RFTN1: variants seen among roughly 807,000 people sequenced by gnomAD.
RFTN1 encodes raftlin, lipid raft linker 1, also known as raftlin.
RFTN1 carries 26 observed loss-of-function variants against 46.5 expected under a neutral mutation model. The observed-to-expected ratio is 0.56, with a 90% CI of 0.41 to 0.78. The LOEUF (loss-of-function observed/expected upper bound fraction) is 0.78, where lower values mean the gene tolerates loss of function less well. Ranked by LOEUF, RFTN1 falls within the 30% of genes least tolerant of loss-of-function variation. The pLI is 0.00. For missense variants in RFTN1, 693 were observed against 718.7 expected, an observed-to-expected ratio of 0.96 and a Z score of 0.41; for synonymous variants, 261 against 284.2, an observed-to-expected ratio of 0.92 and a Z score of 0.82.
chr3:16,317,011 T>C lies in RFTN1; in HGVS notation c.1554A>G (p.Glu518=). The C allele has an allele frequency of 6.2e-7, 1 of 1,613,580 alleles. No homozygotes were observed. Among genetic ancestry groups the C allele is most frequent in the South Asian group, 1.1e-5 (1 of 91,038 alleles). Residue 518 remains glutamate, a synonymous_variant, in exon 10 of 10, where the codon GAA becomes GAG. Coordinates refer to ENST00000334133, the MANE Select transcript of RFTN1 (RefSeq NM_015150.2). The surrounding 1 kb of genome is among the most constrained non-coding windows in gnomAD (Gnocchi z 4.3). ...MKGPVQEDKG[E]QLSPGGLLCG... is the part of the protein sequence containing the mutation. The stretch of plus-strand genomic sequence containing the variant: ...ACAGCAGGCCACCAGGGGACAGCTG[T>C]TCTCCCTTGTCCTCTTGGACAGGGC...
chr3:16,349,269 C>G (rs1189027390), intron 7 of RFTN1: 1 of 152,250 alleles, frequency 6.6e-6, no homozygotes, highest in Non-Finnish European at 1.5e-5. Context: ...GCAAGAAATA[C>G]AGGCATGCTG....
chr3:16,484,220 G>A lies in RFTN1; in HGVS notation c.145+9505C>T, dbSNP rs1362583462. On this transcript the variant is annotated intron_variant, in intron 2 of 9. Transcript: ENST00000334133. This position sits in a 1 kb window ranked among gnomAD's most constrained non-coding sequence, Gnocchi z 4.6. ...GATTAGTCTTTTTCCCAGCCGTGAA[G>A]GGAGACTGAAAGGACAACTCTTATA... Among the ~76,000 whole-genome samples the A allele has an allele frequency of 6.6e-6, 1 of 152,144 alleles. No individual in the cohort carries two copies. Among genetic ancestry groups the A allele is most frequent in the African/African-American group, 2.4e-5 (1 of 41,428 alleles).
intron 2 of RFTN1, among the ~76,000 whole-genome samples, chr3:16,492,160 G>C (rs2076547666): frequency 6.6e-6 from 1 of 152,170 alleles, no homozygotes; most frequent in African/African-American, 2.4e-5. Context: ...CACCGGAAGG[G>C]AGCAATCTGA....
chr3:16,417,009 C>CTTTTT (rs72060599), intron 3 of RFTN1, among the ~76,000 whole-genome samples: 2 of 121,304 alleles, frequency 1.6e-5, no homozygotes, highest in African/African-American at 3.4e-5. Flanking sequence ...TTTTCTTTTT[C>CTTTTT]TTTTTTTTTT....
intron 1 of RFTN1, among the ~76,000 whole-genome samples, chr3:16,505,606 G>T (rs1351764496): frequency 3.3e-5 from 5 of 152,230 alleles, no homozygotes; most frequent in Non-Finnish European, 7.3e-5. Context: ...AGGCGGTCTG[G>T]AGTCAGAGTT....
At chr3:16,390,678 G>T (rs2074323275) in intron 4 of RFTN1, among the ~76,000 whole-genome samples, 1 of 152,216 alleles carries the variant, frequency 6.6e-6, no homozygotes, top group Non-Finnish European at 1.5e-5. Flanking sequence ...AAGGGTCACA[G>T]AGACTCCTGT....
At chr3:16,399,046 AGTT>A (rs1178175952) in intron 4 of RFTN1, among the ~76,000 whole-genome samples, 2 of 152,156 alleles carry the variant, frequency 1.3e-5, no homozygotes, top group African/African-American at 2.4e-5. Context: ...AGGGATCCCA[AGTT>A]GTTATTTCTT....
At chr3:16,493,669 C>G in intron 2 of RFTN1, 56 bp downstream of exon 2, 2 of 1,437,028 alleles carry the variant, frequency 1.4e-6, no homozygotes, top group Non-Finnish European at 1.9e-6. Context: ...CCATCCCCTG[C>G]AGGCCCCTGC....
At position 16,377,831 on chromosome 3, in the gene RFTN1, C is replaced by T. The variant is rs769526990; in HGVS notation, c.713G>A (p.Ser238Asn). 1.2e-6 allele frequency: 2 copies of T among 1,614,146 alleles called. No homozygotes were observed. Among genetic ancestry groups the T allele is most frequent in the Non-Finnish European group, 1.7e-6 (2 of 1,179,980 alleles). Residue 238 changes from serine (S) to asparagine (N), a missense_variant, in exon 5 of 10, where the codon AGC becomes AAC. Physicochemically the swap from Ser to Asn is conservative, Grantham distance 46. Coordinates refer to ENST00000334133, the MANE Select transcript of RFTN1 (RefSeq NM_015150.2). ...RGEVPLAKQP[S>N]SPSGEGDGGE... is the part of the protein sequence containing the mutation. ...ACCATCTCCCTCTCCGGAGGGTGAG[C>T]TGGGCTGCTTGGCGAGGGGCACCTC...
At chr3:16,511,243 T>A (rs1018488674) in intron 1 of RFTN1, among the ~76,000 whole-genome samples, 4 of 152,258 alleles carry the variant, frequency 2.6e-5, no homozygotes, top group African/African-American at 4.8e-5. Context: ...ATGCAAATGG[T>A]ACTTTCCATC....
In RFTN1 at chr3:16,376,110, G is replaced by A. The variant is rs2073759234; in HGVS notation, c.826+1608C>T. 6.6e-6 allele frequency among the ~76,000 whole-genome samples: 1 copy of A among 152,180 alleles called. No individual in the cohort carries two copies. Among genetic ancestry groups the A allele is most frequent in the Admixed American group, 6.5e-5 (1 of 15,286 alleles). ...GAAAGCTACTGAGGAAACCTCAATAGTAACTGCCTCCTTTCTCAAAGCCAG... is the reference window on the plus strand; with the variant it reads ...GAAAGCTACTGAGGAAACCTCAATAATAACTGCCTCCTTTCTCAAAGCCAG... On this transcript the variant is annotated intron_variant, in intron 5 of 9. Coordinates refer to ENST00000334133, the MANE Select transcript of RFTN1 (RefSeq NM_015150.2). The surrounding 1 kb of genome is among the most constrained non-coding windows in gnomAD (Gnocchi z 4.7).
At position 16,498,093 on chromosome 3, in the gene RFTN1, G is replaced by A. The variant is rs2076652144; in HGVS notation, c.-8-4216C>T. Among the ~76,000 whole-genome samples the A allele has an allele frequency of 6.6e-6, 1 of 152,142 alleles. No individual in the cohort carries two copies. Among genetic ancestry groups the A allele is most frequent in the Non-Finnish European group, 1.5e-5 (1 of 68,036 alleles). On this transcript the variant is annotated intron_variant, in intron 1 of 9. Coordinates refer to ENST00000334133, the MANE Select transcript of RFTN1 (RefSeq NM_015150.2). The surrounding 1 kb of genome is among the most constrained non-coding windows in gnomAD (Gnocchi z 5.2). ...GCTTGATATCACAGGACATAAAGGGGCTCTGGGCAAATCATCCATGTGATC... is the reference window on the plus strand; with the variant it reads ...GCTTGATATCACAGGACATAAAGGGACTCTGGGCAAATCATCCATGTGATC...
intron 2 of RFTN1, among the ~76,000 whole-genome samples, chr3:16,493,388 C>T (rs926261869): frequency 3.9e-5 from 6 of 152,186 alleles, no homozygotes; most frequent in Non-Finnish European, 8.8e-5. Flanking sequence ...CCCGCCACCA[C>T]GCCTGGCTAA....
At chr3:16,485,609 A>G (rs919916168) in intron 2 of RFTN1, among the ~76,000 whole-genome samples, 3 of 152,262 alleles carry the variant, frequency 2.0e-5, no homozygotes, top group African/African-American at 4.8e-5. Flanking sequence ...ACAGTGACAC[A>G]GCAGATCAGC....
At chr3:16,333,091 C>T (rs995458444) in intron 7 of RFTN1, among the ~76,000 whole-genome samples, 3 of 152,186 alleles carry the variant, frequency 2.0e-5, no homozygotes, top group Admixed American at 1.3e-4. Context: ...GAACAAAGCT[C>T]ACTGGTATTT....
chr3:16,390,349 A>G (rs1030965243), intron 4 of RFTN1, among the ~76,000 whole-genome samples: 5 of 152,236 alleles, frequency 3.3e-5, no homozygotes, highest in Non-Finnish European at 7.3e-5. Context: ...GTAAACGAGG[A>G]TAACACAAAA....
At position 16,334,206 on chromosome 3, in the gene RFTN1, T is replaced by C. The variant is rs1009849422; in HGVS notation, c.1147-7330A>G. Reference sequence around the variant, plus strand: ...CAAAAAACAACAACAAAAAATACCCTGAGATACTATTTTTTCACCTATTGA... The same window carrying C: ...CAAAAAACAACAACAAAAAATACCCCGAGATACTATTTTTTCACCTATTGA... On this transcript the variant is annotated intron_variant, in intron 7 of 9. Coordinates refer to ENST00000334133, the MANE Select transcript of RFTN1 (RefSeq NM_015150.2). This position sits in a 1 kb window ranked among gnomAD's most constrained non-coding sequence, Gnocchi z 4.3. Among the ~76,000 whole-genome samples the C allele has an allele frequency of 6.6e-6, 1 of 152,060 alleles. No individual in the cohort carries two copies. The highest frequency in any genetic ancestry group is 2.4e-5 in the African/African-American group (1 of 41,394).
In RFTN1 at chr3:16,318,681, T is replaced by C. The variant is rs930917115; in HGVS notation, c.1333-1449A>G. Among the ~76,000 whole-genome samples the C allele has an allele frequency of 2.6e-5, 4 of 152,334 alleles. No homozygotes were observed. The East Asian group carries it at 5.8e-4, about 22-fold the overall frequency. On this transcript the variant is annotated intron_variant, in intron 9 of 9. Transcript: ENST00000334133. ...AATGTTCCATTAAAGTAGAGAAACA[T>C]GAGTGAAATACATGTTGAGGTTAGG...
At chr3:16,393,703 G>A (rs1203396992) in intron 4 of RFTN1, among the ~76,000 whole-genome samples, 1 of 150,416 alleles carries the variant, frequency 6.6e-6, no homozygotes, top group Non-Finnish European at 1.5e-5. Context: ...TTCTCACCCA[G>A]GCTGTAGTGC....
Sources: allele counts gnomAD v4.1 joint callset (sites outside exome capture counted in the v4.1 genomes callset), GRCh38; gene constraint gnomAD v4.1.1; non-coding constraint Gnocchi (gnomAD v3.1); transcripts MANE v1.5; gene names NCBI Gene and HGNC (gene_info 2026-07-23, HGNC 2026-07-21).